SNRNP200: variants seen among roughly 807,000 people sequenced by gnomAD.
SNRNP200 encodes the protein U5 small nuclear ribonucleoprotein 200 kDa helicase.
A neutral mutation model predicts 255.2 loss-of-function variants in SNRNP200; 66 were observed. That is an observed-to-expected ratio of 0.26 (90% CI 0.21 to 0.32). The LOEUF (loss-of-function observed/expected upper bound fraction) is 0.32. Ranked by LOEUF, SNRNP200 falls within the 10% of genes least tolerant of loss-of-function variation. The pLI is 1.00. For missense variants in SNRNP200, 1,585 were observed against 2,749.8 expected, an observed-to-expected ratio of 0.58 and a Z score of 9.47; for synonymous variants, 939 against 1,027.8, an observed-to-expected ratio of 0.91 and a Z score of 1.65.
Position 96,283,726 on chromosome 2 carries a change from G to C in SNRNP200, c.4585-13C>G. On this transcript the variant is annotated splice_polypyrimidine_tract_variant and intron_variant, in intron 32 of 44. Coordinates refer to ENST00000323853, the MANE Select transcript of SNRNP200 (RefSeq NM_014014.5). This position sits in a 1 kb window ranked among gnomAD's most constrained non-coding sequence, Gnocchi z 4.7. Reference sequence around the variant, plus strand: ...TGATGTTGAAGCCCTGGCGACCGGGGAGAAGAAAAGACACCAAGGTTATCA... The same window carrying C: ...TGATGTTGAAGCCCTGGCGACCGGGCAGAAGAAAAGACACCAAGGTTATCA... 1 of 1,614,076 alleles carries C rather than the reference G, an allele frequency of 6.2e-7. No homozygotes were observed. The highest frequency in any genetic ancestry group is 8.5e-7 in the Non-Finnish European group (1 of 1,180,046).
rs1233448298 is a variant in SNRNP200 at position 96,298,425 on chromosome 2, C to T, written c.983-5G>A. The T allele has an allele frequency of 6.2e-7, 1 of 1,614,018 alleles. No individual in the cohort carries two copies. Among genetic ancestry groups the T allele is most frequent in the Admixed American group, 1.7e-5 (1 of 60,014 alleles). ...CCAGCAAGGTACAGTATAAAACTAC[C>T]CACAACAAAAGGAACAAAGGAAGTG... On this transcript the variant is annotated splice_polypyrimidine_tract_variant and splice_region_variant and intron_variant, in intron 8 of 44. Transcript: ENST00000323853.
chr2:96,274,924 C>G lies in SNRNP200; in HGVS notation c.*88G>C. Reference sequence around the variant, plus strand: ...GCTGGCCAGACCTGAGGCCCACAGACCTGGTCCCCACAACCAGGATTCCTA... The same window carrying G: ...GCTGGCCAGACCTGAGGCCCACAGAGCTGGTCCCCACAACCAGGATTCCTA... On this transcript the variant is annotated 3_prime_UTR_variant, in exon 45 of 45. Coordinates refer to ENST00000323853, the MANE Select transcript of SNRNP200 (RefSeq NM_014014.5). 6.6e-7 allele frequency: 1 copy of G among 1,522,490 alleles called. No homozygotes were observed. The highest frequency in any genetic ancestry group is 9.1e-7 in the Non-Finnish European group (1 of 1,102,224). The allele number at this position is 1,522,490 out of a possible 1,614,324, so 94.3% of individuals were successfully genotyped here. A position where few individuals can be genotyped will look rare whatever the true frequency, so the allele number is the denominator to read the frequency against.
At chr2:96,294,257 T>A (rs2104353590) in intron 14 of SNRNP200, among the ~76,000 whole-genome samples, 1 of 151,506 alleles carries the variant, frequency 6.6e-6, no homozygotes, top group African/African-American at 2.4e-5. Flanking sequence ...ATCAGATTGG[T>A]GAAACCCCAT....
chr2:96,283,997 A>C lies in SNRNP200; in HGVS notation c.4400T>G (p.Leu1467Ter). 1 of 1,589,578 alleles carries C rather than the reference A, an allele frequency of 6.3e-7. No individual in the cohort carries two copies. Among genetic ancestry groups the C allele is most frequent in the Non-Finnish European group, 8.6e-7 (1 of 1,168,502 alleles). ...GCGCATTCGGGAGCAGATCACTTCT[A>C]AGACAGGCTGGAAAGAGGGAGGGAG... Reference protein sequence around the residue: ...HLIGGENGPVLEVICSRMRYI... With the variant: ...HLIGGENGPV Residue 1467 changes from leucine (L) to a stop codon, truncating the protein, a stop_gained, in exon 32 of 45, where the codon TTA becomes TGA. Transcript: ENST00000323853. LOFTEE classifies it high-confidence loss of function. The surrounding 1 kb of genome is among the most constrained non-coding windows in gnomAD (Gnocchi z 4.7).
Position 96,287,880 on chromosome 2 carries a change from C to G in SNRNP200, c.3348G>C (p.Lys1116Asn). 6.2e-7 allele frequency: 1 copy of G among 1,614,234 alleles called. No individual in the cohort carries two copies. The highest frequency in any genetic ancestry group is 2.2e-5 in the East Asian group (1 of 44,892). ...GTCCTTACATGCGTTTGTCGATCAT[C>G]TTGCAGAGGTTCAGGGTCTTGTCTG... ...QLTDKTLNLC[K>N]MIDKRMWQSM... The change falls in exon 25 of 45, where the codon AAG (lysine) becomes AAC (asparagine). Residue 1116 changes from lysine to asparagine, a missense_variant. By Grantham distance (94) the Lys-to-Asn change is moderately conservative. Coordinates refer to ENST00000323853, the MANE Select transcript of SNRNP200 (RefSeq NM_014014.5). The surrounding 1 kb of genome is among the most constrained non-coding windows in gnomAD (Gnocchi z 5.7).
In SNRNP200 at chr2:96,299,356, A is replaced by G. The variant is rs372705086; in HGVS notation, c.702T>C (p.Ala234=). The G allele has an allele frequency of 1.9e-6, 3 of 1,614,176 alleles. No homozygotes were observed. Among genetic ancestry groups the G allele is most frequent in the Non-Finnish European group, 2.5e-6 (3 of 1,180,030 alleles). The change falls in exon 6 of 45, where the codon GCT becomes GCC. Residue 234 remains alanine, a synonymous_variant. Transcript: ENST00000323853. ...TAGCCGAGAGGGTGCAGCGCACGACAGCCTCGTCCCCTTCCATGTCATCAT... is the reference window on the plus strand; with the variant it reads ...TAGCCGAGAGGGTGCAGCGCACGACGGCCTCGTCCCCTTCCATGTCATCAT... ...ASDDDMEGDE[A]VVRCTLSANL... is the part of the protein sequence containing the mutation.
chr2:96,283,333 T>A lies in SNRNP200; in HGVS notation c.4783A>T (p.Lys1595Ter). ...QRQRFLHCTE[K>*]DLIPYLEKLS... is the part of the protein sequence containing the mutation. ...TTCTCCAGGTACGGAATCAGATCCTTCTCGGTGCAGTGCAAGAACCTGTGC... is the reference window on the plus strand; with the variant it reads ...TTCTCCAGGTACGGAATCAGATCCTACTCGGTGCAGTGCAAGAACCTGTGC... Residue 1595 changes from lysine to a stop codon, truncating the protein, a stop_gained, in exon 34 of 45, where the codon AAG becomes TAG. Transcript: ENST00000323853. LOFTEE classifies it high-confidence loss of function. The surrounding 1 kb of genome is among the most constrained non-coding windows in gnomAD (Gnocchi z 4.7). 1 of 1,614,022 alleles carries A rather than the reference T, an allele frequency of 6.2e-7. No homozygotes were observed. The highest frequency in any genetic ancestry group is 8.5e-7 in the Non-Finnish European group (1 of 1,180,006).
chr2:96,299,009 A>C (rs752665898), intron 6 of SNRNP200, 42 bp from the exon 7 acceptor site: 1 of 1,611,556 alleles, frequency 6.2e-7, no homozygotes, highest in South Asian at 1.1e-5. Context: ...GGTCTCTGCC[A>C]GCCTCGATCA....
intron 21 of SNRNP200, 63 bp from the exon 22 acceptor site, chr2:96,289,442 A>G (rs1376959506): frequency 6.4e-7 from 1 of 1,553,278 alleles, no homozygotes; most frequent in East Asian, 2.2e-5. Flanking sequence ...CTAACTGTGG[A>G]CCATAAGTTA....
rs779046530 is a variant in SNRNP200, at chr2:96,286,696, C to T, written c.3821G>A (p.Arg1274His). Residue 1274 changes from arginine to histidine, a missense_variant, in exon 28 of 45, where the codon CGC (arginine) becomes CAC (histidine). Transcript: ENST00000323853. The surrounding 1 kb of genome is among the most constrained non-coding windows in gnomAD (Gnocchi z 4.8). ...PQYFIRVVSD[R>H]WLSCETQLPV... ...GGAGAGGAGACACTCACAGAGCCAG[C>T]GGTCAGACACCACTCGGATGAAGTA... is the stretch of plus-strand genomic sequence containing the variant. 4.0e-5 allele frequency: 65 copies of T among 1,613,388 alleles called. No homozygotes were observed. Among genetic ancestry groups the T allele is most frequent in the Non-Finnish European group, 4.9e-5 (58 of 1,180,012 alleles).
rs932599055 is a variant in SNRNP200 at position 96,301,735 on chromosome 2, C to A, written c.382-19G>T. The A allele has an allele frequency of 1.9e-6, 3 of 1,613,908 alleles. No homozygotes were observed. The highest frequency in any genetic ancestry group is 1.7e-6 in the Non-Finnish European group (2 of 1,179,888). On this transcript the variant is annotated intron_variant, in intron 3 of 44. Coordinates refer to ENST00000323853, the MANE Select transcript of SNRNP200 (RefSeq NM_014014.5). ...CACGTGGCTGGTGGCAAGAAACAAC[C>A]AACCAATATTGAGAACGACGACAGG... is the stretch of plus-strand genomic sequence containing the variant.
At chr2:96,296,431 C>T in intron 13 of SNRNP200, 105 bp downstream of exon 13, 1 of 1,113,702 alleles carries the variant, frequency 9.0e-7, no homozygotes. Flanking sequence ...TCCCAGGAGG[C>T]ATGCCAGAGA....
chr2:96,305,182 ACT>A (rs2063979793), intron 1 of SNRNP200, among the ~76,000 whole-genome samples: 1 of 151,998 alleles, frequency 6.6e-6, no homozygotes, highest in Non-Finnish European at 1.5e-5. Flanking sequence ...CGTTGAAGGT[ACT>A]CGAGAAACTC....
At position 96,277,206 on chromosome 2, in the gene SNRNP200, C is replaced by T. The variant is rs773931836; in HGVS notation, c.5967G>A (p.Glu1989=). ...VESVFDIMEM[E]DEERNALLQL... ...GAAGCAACGCGTTCCGTTCTTCATCCTCCATCTCCATGATGTCGAAAACAC... is the reference window on the plus strand; with the variant it reads ...GAAGCAACGCGTTCCGTTCTTCATCTTCCATCTCCATGATGTCGAAAACAC... Residue 1989 remains glutamate (E), a synonymous_variant, in exon 42 of 45, where the codon GAG becomes GAA. Coordinates refer to ENST00000323853, the MANE Select transcript of SNRNP200 (RefSeq NM_014014.5). The surrounding 1 kb of genome is among the most constrained non-coding windows in gnomAD (Gnocchi z 4.4). 3.7e-6 allele frequency: 6 copies of T among 1,614,218 alleles called. No individual in the cohort carries two copies. The highest frequency in any genetic ancestry group is 3.4e-6 in the Non-Finnish European group (4 of 1,180,040).
chr2:96,301,148 G>T, intron 4 of SNRNP200, 95 bp from the exon 5 acceptor site: 2 of 1,045,746 alleles, frequency 1.9e-6, no homozygotes, highest in Non-Finnish European at 3.0e-6. Context: ...CTCTCCTCAG[G>T]AAAGATCTAA....
chr2:96,291,568 T>C lies in SNRNP200; in HGVS notation c.2311-66A>G. On this transcript the variant is annotated intron_variant, in intron 17 of 44. Transcript: ENST00000323853. The surrounding 1 kb of genome is among the most constrained non-coding windows in gnomAD (Gnocchi z 4.2). ...AGGACTCATCCAAGGACTAAGGAAATCTCCTCCCATGAGACCCTGCCCCTT... is the reference window on the plus strand; with the variant it reads ...AGGACTCATCCAAGGACTAAGGAAACCTCCTCCCATGAGACCCTGCCCCTT... The C allele has an allele frequency of 1.6e-6, 2 of 1,270,834 alleles. No homozygotes were observed. The highest frequency in any genetic ancestry group is 2.3e-6 in the Non-Finnish European group (2 of 868,934). 78.7% of individuals were successfully genotyped at this position (1,270,834 alleles called of 1,614,324 possible).
Position 96,277,421 on chromosome 2 carries a change from G to A in SNRNP200, c.5931+118C>T, listed in dbSNP as rs540718152. On this transcript the variant is annotated intron_variant, in intron 41 of 44. Transcript: ENST00000323853. The surrounding 1 kb of genome is among the most constrained non-coding windows in gnomAD (Gnocchi z 4.4). ...TAGCATCTCAACAGGGAGCACCTTC[G>A]GAGGAACCATAACTAAAAGTTTAAC... The A allele has an allele frequency of 4.7e-5, 64 of 1,361,504 alleles. 2 individuals carry two copies. The Admixed American group carries it at 8.0e-4, about 17-fold the overall frequency. The allele number at this position is 1,361,504 out of a possible 1,614,324, so 84.3% of individuals were successfully genotyped here.
At chr2:96,279,594 C>T (rs765254708) in intron 35 of SNRNP200, 35 bp from the exon 36 acceptor site, 11 of 1,398,676 alleles carry the variant, frequency 7.9e-6, no homozygotes, top group Admixed American at 3.4e-5. Flanking sequence ...GGAAAAGCCA[C>T]CTCAACACGG....
intron 9 of SNRNP200, 63 bp downstream of exon 9, chr2:96,298,221 T>A: frequency 6.2e-7 from 1 of 1,609,440 alleles, no homozygotes; most frequent in Non-Finnish European, 8.5e-7. Flanking sequence ...TTTAGCTTCA[T>A]GCTGCAATCT....
Sources: gnomAD v4.1 joint callset for allele counts (sites outside exome capture counted in the v4.1 genomes callset) on GRCh38, gnomAD v4.1.1 for gene constraint, Gnocchi (gnomAD v3.1) non-coding constraint, MANE v1.5 for transcripts, NCBI Gene and HGNC (gene_info 2026-07-23, HGNC 2026-07-21) for gene names.